The following RAB21 variants were observed in gnomAD, a reference collection of about 807,000 sequenced individuals.
The protein encoded by RAB21 is RAB21, member RAS oncogene family, also known as ras-related protein Rab-21.
Under a neutral mutation model 33.1 loss-of-function variants are expected in RAB21, and 13 were observed. The ratio of observed to expected loss-of-function variants is 0.39; its 90% confidence interval spans 0.26 to 0.62. The LOEUF (loss-of-function observed/expected upper bound fraction) is 0.62. RAB21 is among the 20% of genes least tolerant of loss of function. RAB21 has a pLI of 0.48. For synonymous variants in RAB21, 91 were observed against 103.7 expected, an observed-to-expected ratio of 0.88 and a Z score of 0.74; for missense variants, 234 against 279.1, an observed-to-expected ratio of 0.84 and a Z score of 1.15.
At position 71,776,055 on chromosome 12, in the gene RAB21, A is replaced by G. The variant is rs946555799; in HGVS notation, c.391+2033A>G. ...AGATTTGGAACCAAAGCTACAGCTA[A>G]TCAGTACTGAGTTTTGTGTAACTTT... On this transcript the variant is annotated intron_variant, in intron 4 of 6. Coordinates refer to ENST00000261263, the MANE Select transcript of RAB21 (RefSeq NM_014999.4). Among the ~76,000 whole-genome samples, 47 of 152,286 alleles carry G rather than the reference A, an allele frequency of 3.1e-4. 1 individual carries two copies. Among genetic ancestry groups the G allele is most frequent in the African/African-American group, 9.6e-4 (40 of 41,564 alleles).
In RAB21 at chr12:71,785,725, C is replaced by G. The variant is rs748432817; in HGVS notation, c.*52C>G. On this transcript the variant is annotated 3_prime_UTR_variant, in exon 7 of 7. Transcript: ENST00000261263. ...CAGAACAAAACTGTGGATCATTGCC[C>G]TCAACATGAAGACTGCCATATTCCA... 54 of 1,596,174 alleles carry G rather than the reference C, an allele frequency of 3.4e-5. No individual in the cohort carries two copies. In the East Asian group the frequency reaches 8.3e-4, roughly 24 times the overall value.
At chr12:71,767,341 C>T (rs1858701837) in intron 1 of RAB21, among the ~76,000 whole-genome samples, 1 of 152,074 alleles carries the variant, frequency 6.6e-6, no homozygotes, top group Admixed American at 6.6e-5. Flanking sequence ...TTTACCAACT[C>T]TGATGCACTC....
At chr12:71,762,286 G>GGTTTGGTTTT (rs201624763) in intron 1 of RAB21, among the ~76,000 whole-genome samples, 5,564 of 151,290 alleles carry the variant, frequency 0.037, 153 homozygotes, top group South Asian at 0.099. Flanking sequence ...ACCTAGCTTA[G>GGTTTGGTTTT]GTTTTGTTTT....
At chr12:71,785,135 T>C (rs1215796288) in intron 6 of RAB21, among the ~76,000 whole-genome samples, 1 of 152,162 alleles carries the variant, frequency 6.6e-6, no homozygotes, top group Non-Finnish European at 1.5e-5. Flanking sequence ...CTTAAAAGTA[T>C]TACATTTCTA....
Position 71,794,427 on chromosome 12 carries a change from ATTTTTTTTTTT to A in RAB21, c.*8773_*8783del, listed in dbSNP as rs71068802. ...ATATTATATATATATATATATATATATTTTTTTTTTTTTTTTTTTTTTTTTTTTTGAGACGG... is the reference window on the plus strand; with the variant it reads ...ATATTATATATATATATATATATATATTTTTTTTTTTTTTTTTTGAGACGG... On this transcript the variant is annotated 3_prime_UTR_variant, in exon 7 of 7. Coordinates refer to ENST00000261263, the MANE Select transcript of RAB21 (RefSeq NM_014999.4). 95 of 27,946 alleles carry A rather than the reference ATTTTTTTTTTT, an allele frequency of 3.4e-3. 1 individual carries two copies. The highest frequency in any genetic ancestry group is 0.011 in the African/African-American group (87 of 7,878). 1.7% of individuals were successfully genotyped at this position (27,946 alleles called of 1,614,324 possible).
At chr12:71,765,511 C>CT (rs1378763682) in intron 1 of RAB21, among the ~76,000 whole-genome samples, 6 of 152,174 alleles carry the variant, frequency 3.9e-5, no homozygotes, top group Middle Eastern at 3.4e-3. Context: ...GGGTGTTAGT[C>CT]ATGAATTCTT....
intron 3 of RAB21, among the ~76,000 whole-genome samples, chr12:71,771,374 A>G (rs1883040135): frequency 6.6e-6 from 1 of 152,236 alleles, no homozygotes; most frequent in African/African-American, 2.4e-5. Context: ...ATGTGTAACT[A>G]CAGGGAATAA....
intron 4 of RAB21, among the ~76,000 whole-genome samples, chr12:71,775,001 CTAT>C (rs1883099411): frequency 6.6e-6 from 1 of 152,090 alleles, no homozygotes; most frequent in East Asian, 1.9e-4. Context: ...GTACATTTAA[CTAT>C]ACATTTTTGA....
At chr12:71,783,993 T>C (rs1017903585) in intron 6 of RAB21, among the ~76,000 whole-genome samples, 3 of 152,184 alleles carry the variant, frequency 2.0e-5, no homozygotes, top group African/African-American at 7.2e-5. Flanking sequence ...TTATATAACA[T>C]GTACAAGTAC....
rs114151281 is a variant in RAB21 at position 71,760,451 on chromosome 12, A to G, written c.159+5163A>G. Among the ~76,000 whole-genome samples the G allele has an allele frequency of 5.5e-3, 842 of 152,304 alleles. 11 individuals are homozygous for G. The highest frequency in any genetic ancestry group is 0.019 in the African/African-American group (804 of 41,550). On this transcript the variant is annotated intron_variant, in intron 1 of 6. Transcript: ENST00000261263. ...AAACTTGGGAAAAATAAGAAAGACA[A>G]TTGGAGTGAGGGAGTTACTACTGTT... is the stretch of plus-strand genomic sequence containing the variant.
chr12:71,785,495 G>T, intron 6 of RAB21, 36 bp from the exon 7 acceptor site: 1 of 1,606,134 alleles, frequency 6.2e-7, no homozygotes, highest in Non-Finnish European at 8.5e-7. Flanking sequence ...CACAAATATT[G>T]TGGTCCTAAT....
intron 5 of RAB21, 90 bp downstream of exon 5, chr12:71,782,175 A>G: frequency 8.2e-7 from 1 of 1,222,490 alleles, no homozygotes; most frequent in Non-Finnish European, 1.2e-6. Flanking sequence ...GTATTACTCA[A>G]ATCTCTTAGC....
intron 4 of RAB21, among the ~76,000 whole-genome samples, chr12:71,781,258 A>C (rs1471450333): frequency 2.0e-5 from 3 of 152,302 alleles, no homozygotes; most frequent in South Asian, 2.1e-4. Flanking sequence ...TCACGAGGTC[A>C]GGAGTTCGAG....
intron 3 of RAB21, among the ~76,000 whole-genome samples, chr12:71,771,131 A>G (rs553347743): frequency 6.6e-6 from 1 of 152,348 alleles, no homozygotes; most frequent in East Asian, 1.9e-4. Flanking sequence ...AGGAGGAACA[A>G]CATCACATTT....
intron 1 of RAB21, among the ~76,000 whole-genome samples, chr12:71,767,187 C>T (rs1882973740): frequency 6.6e-6 from 1 of 152,078 alleles, no homozygotes; most frequent in African/African-American, 2.4e-5. Context: ...TCTATATAAT[C>T]AGTGTTGTCA....
At chr12:71,766,116 A>G (rs536043920) in intron 1 of RAB21, among the ~76,000 whole-genome samples, 5 of 152,128 alleles carry the variant, frequency 3.3e-5, no homozygotes, top group Non-Finnish European at 7.4e-5. Flanking sequence ...TTGATTAAGA[A>G]GGAAACTTAG....
chr12:71,790,593 T>G lies in RAB21; in HGVS notation c.*4920T>G, dbSNP rs879481877. ...TTCTAGGAAAAGAATAAAAAACATA[T>G]ATTGTCAAAGTGCCCTTTGGTAGTG... On this transcript the variant is annotated 3_prime_UTR_variant, in exon 7 of 7. Coordinates refer to ENST00000261263, the MANE Select transcript of RAB21 (RefSeq NM_014999.4). 7 of 152,140 alleles carry G rather than the reference T, an allele frequency of 4.6e-5. No homozygotes were observed. Among genetic ancestry groups the G allele is most frequent in the African/African-American group, 7.2e-5 (3 of 41,426 alleles). 9.4% of individuals were successfully genotyped at this position (152,140 alleles called of 1,614,324 possible).
At chr12:71,782,381 C>T (rs996928877) in intron 5 of RAB21, 189 bp from the exon 6 acceptor site, 14 of 509,812 alleles carry the variant, frequency 2.7e-5, no homozygotes, top group East Asian at 9.3e-5. Context: ...ATAAAAATTT[C>T]GAGGCTTGTT....
chr12:71,784,664 C>T (rs1883257035), intron 6 of RAB21, among the ~76,000 whole-genome samples: 1 of 151,892 alleles, frequency 6.6e-6, no homozygotes. Flanking sequence ...TTTTTGGTTC[C>T]ACTGATCTAT....
Sources: gnomAD v4.1 joint callset for allele counts (sites outside exome capture counted in the v4.1 genomes callset) on GRCh38, gnomAD v4.1.1 for gene constraint, MANE v1.5 for transcripts, NCBI Gene and HGNC (gene_info 2026-07-23, HGNC 2026-07-21) for gene names.